Variants in CSTF3 observed in about 807,000 individuals in gnomAD.
The protein encoded by CSTF3 is CF-1 77 kDa subunit.
A neutral mutation model predicts 105.8 loss-of-function variants in CSTF3; 29 were observed. The observed-to-expected ratio is 0.27, with a 90% CI of 0.20 to 0.37. The LOEUF (loss-of-function observed/expected upper bound fraction) is 0.37, where lower values mean the gene tolerates loss of function less well. Ranked by LOEUF, CSTF3 falls within the 10% of genes least tolerant of loss-of-function variation. The probability of loss-of-function intolerance (pLI) is 1.00; values close to 1 mark genes in which losing one functional copy is unlikely to be tolerated. For synonymous variants in CSTF3, 252 were observed against 281.9 expected (o/e 0.89, Z 1.06); for missense variants, 357 against 879.3 (o/e 0.41, Z 7.51).
chr11:33,085,842 C>A (rs1409244761), intron 19 of CSTF3, 53 bp downstream of exon 19: 1 of 1,577,704 alleles, frequency 6.3e-7, no homozygotes, highest in Non-Finnish European at 8.7e-7. Flanking sequence ...ACTTTATACA[C>A]AATTACTATG....
chr11:33,129,082 C>T (rs916677824), intron 3 of CSTF3, among the ~76,000 whole-genome samples: 5 of 152,088 alleles, frequency 3.3e-5, no homozygotes, highest in East Asian at 1.9e-4. Context: ...GAAAAAATAA[C>T]GTGGATGGAA....
intron 1 of CSTF3, among the ~76,000 whole-genome samples, chr11:33,154,557 C>T (rs1350846330): frequency 3.0e-5 from 4 of 131,640 alleles, no homozygotes; most frequent in Admixed American, 9.2e-5. Flanking sequence ...AGTGCAGTGG[C>T]TGTACCTTGG....
At chr11:33,100,991 C>A (rs1240268852) in intron 10 of CSTF3, among the ~76,000 whole-genome samples, 1 of 152,130 alleles carries the variant, frequency 6.6e-6, no homozygotes, top group Non-Finnish European at 1.5e-5. Context: ...AACACAAATA[C>A]AAAAGCAACT....
At position 33,099,523 on chromosome 11, in the gene CSTF3, C is replaced by A. The variant is rs908444750; in HGVS notation, c.936+85G>T. Reference sequence around the variant, plus strand: ...ATTTTCAATACTTATGCTTTATTACCAAAATTCAGTTATATTTTTCAGTAA... The same window carrying A: ...ATTTTCAATACTTATGCTTTATTACAAAAATTCAGTTATATTTTTCAGTAA... On this transcript the variant is annotated intron_variant, in intron 11 of 20. Transcript: ENST00000323959. The surrounding 1 kb of genome is among the most constrained non-coding windows in gnomAD (Gnocchi z 4.1). The A allele has an allele frequency of 7.0e-5, 64 of 911,862 alleles. No individual in the cohort carries two copies. In the South Asian group the frequency reaches 9.7e-4, roughly 14 times the overall value. The allele number at this position is 911,862 out of a possible 1,614,324, so 56.5% of individuals were successfully genotyped here.
At chr11:33,100,155 G>C (rs1855266973) in intron 10 of CSTF3, among the ~76,000 whole-genome samples, 1 of 152,096 alleles carries the variant, frequency 6.6e-6, no homozygotes, top group East Asian at 1.9e-4. Flanking sequence ...AGGAGATCGA[G>C]ACCATCCTGG....
intron 1 of CSTF3, among the ~76,000 whole-genome samples, chr11:33,157,248 A>G (rs1271171467): frequency 6.6e-6 from 1 of 151,904 alleles, no homozygotes; most frequent in Non-Finnish European, 1.5e-5. Flanking sequence ...CCAGCTACTC[A>G]AGAGGCTGAG....
intron 3 of CSTF3, among the ~76,000 whole-genome samples, chr11:33,126,304 G>A (rs1466898331): frequency 2.0e-5 from 3 of 152,070 alleles, no homozygotes; most frequent in East Asian, 1.9e-4. Context: ...TTAATCAGGC[G>A]TGGTGGCCTG....
chr11:33,140,129 C>T (rs774408890), intron 3 of CSTF3, among the ~76,000 whole-genome samples: 12 of 151,892 alleles, frequency 7.9e-5, no homozygotes, highest in Non-Finnish European at 1.3e-4. Context: ...ATTTCTGGTG[C>T]GTTTGAATTT....
intron 1 of CSTF3, chr11:33,156,904 G>T: frequency 3.5e-6 from 1 of 287,362 alleles, no homozygotes. Flanking sequence ...AGGTCTTTAA[G>T]ACATAAAGAT....
chr11:33,092,828 G>A (rs1855182878), intron 15 of CSTF3, among the ~76,000 whole-genome samples: 1 of 152,092 alleles, frequency 6.6e-6, no homozygotes, highest in Non-Finnish European at 1.5e-5. Flanking sequence ...CTCTTGCAGA[G>A]GTACAATATC....
rs190845089 is a variant in CSTF3 at position 33,089,697 on chromosome 11, T to C, written c.1641+835A>G. 8.5e-5 allele frequency among the ~76,000 whole-genome samples: 13 copies of C among 152,304 alleles called. No individual in the cohort carries two copies. The East Asian group carries it at 2.3e-3, about 27-fold the overall frequency. On this transcript the variant is annotated intron_variant, in intron 17 of 20. Transcript: ENST00000323959. ...TTATGGGTAGTTTTTTCTCAAAATA[T>C]TTTATCTGGATCAGACAGAGCAAGA...
chr11:33,098,392 C>A (rs564458843), intron 13 of CSTF3, among the ~76,000 whole-genome samples: 1 of 152,274 alleles, frequency 6.6e-6, no homozygotes, highest in East Asian at 1.9e-4. Context: ...GCCTCTGTAT[C>A]TATTTTATAC....
intron 3 of CSTF3, among the ~76,000 whole-genome samples, chr11:33,111,109 A>G (rs1459451438): frequency 6.6e-6 from 1 of 152,174 alleles, no homozygotes; most frequent in Non-Finnish European, 1.5e-5. Flanking sequence ...CGGCGCCTGT[A>G]ATCCCAGCTA....
intron 3 of CSTF3, among the ~76,000 whole-genome samples, chr11:33,109,298 T>G (rs1215450709): frequency 6.6e-6 from 1 of 152,190 alleles, no homozygotes; most frequent in Non-Finnish European, 1.5e-5. Flanking sequence ...TTTGGCTGAT[T>G]AGAGAAGTTT....
At chr11:33,108,074 A>G in intron 4 of CSTF3, 74 bp from the exon 5 acceptor site, 1 of 907,094 alleles carries the variant, frequency 1.1e-6, no homozygotes, top group South Asian at 1.9e-5. Flanking sequence ...ATGGAACATT[A>G]AAAACACAAA....
Position 33,099,305 on chromosome 11 carries a change from A to T in CSTF3, c.937-155T>A, listed in dbSNP as rs1855256465. ...TATATGTATCCACACACACACATAC[A>T]TAAACACATATGCATTTCTGGATTC... On this transcript the variant is annotated intron_variant, in intron 11 of 20. Transcript: ENST00000323959. This position sits in a 1 kb window ranked among gnomAD's most constrained non-coding sequence, Gnocchi z 4.1. 6.6e-6 allele frequency among the ~76,000 whole-genome samples: 1 copy of T among 152,242 alleles called. No homozygotes were observed. Among genetic ancestry groups the T allele is most frequent in the African/African-American group, 2.4e-5 (1 of 41,460 alleles).
intron 17 of CSTF3, among the ~76,000 whole-genome samples, chr11:33,089,361 AC>A (rs1386578661): frequency 2.0e-5 from 3 of 148,898 alleles, no homozygotes; most frequent in Non-Finnish European, 4.5e-5. Flanking sequence ...AAAAAAAAAG[AC>A]AGAAACGATG....
chr11:33,137,053 A>C (rs1855662250), intron 3 of CSTF3, among the ~76,000 whole-genome samples: 1 of 151,870 alleles, frequency 6.6e-6, no homozygotes, highest in African/African-American at 2.4e-5. Context: ...ATTTCAGAAT[A>C]TATCATGACT....
chr11:33,106,089 T>C (rs749806059), intron 5 of CSTF3, 25 bp from the exon 6 acceptor site: 2 of 1,576,124 alleles, frequency 1.3e-6, no homozygotes, highest in South Asian at 2.2e-5. Flanking sequence ...AAAGACGTGG[T>C]TTTTAAATTT....
Sources: allele counts gnomAD v4.1 joint callset (sites outside exome capture counted in the v4.1 genomes callset), GRCh38; gene constraint gnomAD v4.1.1; non-coding constraint Gnocchi (gnomAD v3.1); transcripts MANE v1.5; gene names NCBI Gene and HGNC (gene_info 2026-07-23, HGNC 2026-07-21).